The following PRDM16 variants were observed in gnomAD, a reference collection of about 807,000 sequenced individuals.
The protein encoded by PRDM16 is PR/SET domain 16.
Under a neutral mutation model 110.6 loss-of-function variants are expected in PRDM16, and 23 were observed. The ratio of observed to expected loss-of-function variants is 0.21; its 90% confidence interval spans 0.15 to 0.29. PRDM16 has a LOEUF of 0.29. PRDM16 is among the 10% of genes least tolerant of loss of function. PRDM16 has a pLI of 1.00. For synonymous variants in PRDM16, 799 were observed against 781.8 expected (o/e 1.02, Z -0.37); for missense variants, 1,615 against 1,794.3 (o/e 0.90, Z 1.81).
rs187409741 is a variant in PRDM16, at chr1:3,229,727, C to T, written c.388-14360C>T. Among the ~76,000 whole-genome samples, 873 of 152,208 alleles carry T rather than the reference C, an allele frequency of 5.7e-3. 16 individuals carry two copies. Among genetic ancestry groups the T allele is most frequent in the Non-Finnish European group, 6.0e-3 (410 of 68,022 alleles). Reference sequence around the variant, plus strand: ...ACCTTAAGGGTCTCTTTCTTCTTATCTTAGGGCTAAAAAAAAGAAGGGAGG... The same window carrying T: ...ACCTTAAGGGTCTCTTTCTTCTTATTTTAGGGCTAAAAAAAAGAAGGGAGG... On this transcript the variant is annotated intron_variant, in intron 2 of 16. Transcript: ENST00000270722.
In PRDM16 at chr1:3,069,359, CG is replaced by C; in HGVS notation, c.37+66del. 1.2e-6 allele frequency: 1 copy of C among 850,254 alleles called. No homozygotes were observed. The highest frequency in any genetic ancestry group is 1.4e-6 in the Non-Finnish European group (1 of 703,438). The allele number at this position is 850,254 out of a possible 1,614,324, so 52.7% of individuals were successfully genotyped here. ...GCCCGGGCCGCCGGGCCGGGGCGCC[CG>C]GGCCAGGGGTGCGCGTCGGGGCGCG... On this transcript the variant is annotated intron_variant, in intron 1 of 16. Transcript: ENST00000270722. This position sits in a 1 kb window ranked among gnomAD's most constrained non-coding sequence, Gnocchi z 6.1.
rs559957708 is a variant in PRDM16 at position 3,318,230 on chromosome 1, TAAG to T, written c.439-66918_439-66916del. Among the ~76,000 whole-genome samples, 19 of 152,342 alleles carry T rather than the reference TAAG, an allele frequency of 1.2e-4. No individual in the cohort carries two copies. In the East Asian group the frequency reaches 2.7e-3, roughly 22 times the overall value. ...CGTATAGGACTTTTAATAACTGTAT[TAAG>T]AAGGTCTTCCGAGCTCCTTTCTGCT... On this transcript the variant is annotated intron_variant, in intron 3 of 16. Coordinates refer to ENST00000270722, the MANE Select transcript of PRDM16 (RefSeq NM_022114.4).
At chr1:3,216,291 G>A (rs556683004) in intron 2 of PRDM16, among the ~76,000 whole-genome samples, 96 of 152,152 alleles carry the variant, frequency 6.3e-4, no homozygotes, top group Middle Eastern at 3.4e-3. Context: ...CGTCCAACCC[G>A]CAGAAAGTAC....
chr1:3,146,269 G>T (rs922112264), intron 1 of PRDM16, among the ~76,000 whole-genome samples: 1 of 151,760 alleles, frequency 6.6e-6, no homozygotes. Flanking sequence ...CATCTGGGGT[G>T]GGGGGGGCCT....
chr1:3,215,005 C>T (rs1422876865), intron 2 of PRDM16, among the ~76,000 whole-genome samples: 2 of 152,142 alleles, frequency 1.3e-5, no homozygotes, highest in Non-Finnish European at 2.9e-5. Flanking sequence ...CAGTGGGGAC[C>T]TGTGTGTGGG....
chr1:3,116,697 G>C (rs1292390329), intron 1 of PRDM16, among the ~76,000 whole-genome samples: 1 of 152,186 alleles, frequency 6.6e-6, no homozygotes, highest in Non-Finnish European at 1.5e-5. Flanking sequence ...ACGATGGTCA[G>C]GCTGACCTCA....
At chr1:3,230,896 A>AG (rs1301700786) in intron 2 of PRDM16, among the ~76,000 whole-genome samples, 1 of 152,112 alleles carries the variant, frequency 6.6e-6, no homozygotes, top group Non-Finnish European at 1.5e-5. Flanking sequence ...TGTTGGGAGC[A>AG]GGTGTGAGCA....
intron 3 of PRDM16, among the ~76,000 whole-genome samples, chr1:3,377,634 C>T (rs1643016831): frequency 6.6e-6 from 1 of 152,096 alleles, no homozygotes; most frequent in South Asian, 2.1e-4. Flanking sequence ...CTGAGGCTCA[C>T]CCCCAAACAA....
At chr1:3,371,111 C>G (rs1642897797) in intron 3 of PRDM16, among the ~76,000 whole-genome samples, 1 of 150,906 alleles carries the variant, frequency 6.6e-6, no homozygotes, top group African/African-American at 2.4e-5. Flanking sequence ...ACTCAGTAAT[C>G]CACCCATTCA....
At chr1:3,164,785 G>A (rs949787749) in intron 1 of PRDM16, among the ~76,000 whole-genome samples, 3 of 152,174 alleles carry the variant, frequency 2.0e-5, no homozygotes, top group Admixed American at 1.3e-4. Flanking sequence ...TGTTTGCGGG[G>A]GGAGGCTGTT....
In PRDM16 at chr1:3,181,680, A is replaced by G. The variant is rs373583114; in HGVS notation, c.38-4445A>G. On this transcript the variant is annotated intron_variant, in intron 1 of 16. Transcript: ENST00000270722. ...CGGTCTTACACAGTCTTACACGCGC[A>G]GTCTTACACACGGTCTTACACACGG... Among the ~76,000 whole-genome samples, 36 of 134,770 alleles carry G rather than the reference A, an allele frequency of 2.7e-4. 1 individual carries two copies. Among genetic ancestry groups the G allele is most frequent in the African/African-American group, 5.3e-4 (18 of 34,016 alleles). 88.4% of individuals were successfully genotyped at this position (134,770 alleles called of 152,430 possible).
intron 1 of PRDM16, among the ~76,000 whole-genome samples, chr1:3,176,201 A>C (rs1644086196): frequency 6.6e-6 from 1 of 152,132 alleles, no homozygotes; most frequent in Non-Finnish European, 1.5e-5. Context: ...CCATTTACCC[A>C]TCTATCCCCT....
Position 3,081,462 on chromosome 1 carries a change from C to G in PRDM16, c.37+12166C>G, listed in dbSNP as rs1047511334. ...CCCCTCCTTGTCCCACCAGACCGAG[C>G]TGTGGCCGTGTGAGGAGCAGGGCTG... On this transcript the variant is annotated intron_variant, in intron 1 of 16. Coordinates refer to ENST00000270722, the MANE Select transcript of PRDM16 (RefSeq NM_022114.4). The surrounding 1 kb of genome is among the most constrained non-coding windows in gnomAD (Gnocchi z 4.6). Among the ~76,000 whole-genome samples, 2 of 152,206 alleles carry G rather than the reference C, an allele frequency of 1.3e-5. No homozygotes were observed. Among genetic ancestry groups the G allele is most frequent in the Non-Finnish European group, 2.9e-5 (2 of 68,038 alleles).
chr1:3,103,689 G>C (rs1478304349), intron 1 of PRDM16, among the ~76,000 whole-genome samples: 3 of 152,138 alleles, frequency 2.0e-5, no homozygotes, highest in African/African-American at 7.2e-5. Flanking sequence ...TGGCATGCAC[G>C]CACCATTCTG....
rs937737699 is a variant in PRDM16, at chr1:3,339,178, C to T, written c.439-45974C>T. Among the ~76,000 whole-genome samples the T allele has an allele frequency of 5.3e-5, 8 of 152,302 alleles. No homozygotes were observed. The highest frequency in any genetic ancestry group is 1.9e-4 in the African/African-American group (8 of 41,560). On this transcript the variant is annotated intron_variant, in intron 3 of 16. Transcript: ENST00000270722. This position sits in a 1 kb window ranked among gnomAD's most constrained non-coding sequence, Gnocchi z 5.0. ...CTCTCTCCTTCTGGAGGGCAGCTTC[C>T]TGGCCACCCTCACCTCCAGCTGCTG...
intron 3 of PRDM16, among the ~76,000 whole-genome samples, chr1:3,249,490 C>T (rs533175290): frequency 1.3e-5 from 2 of 152,086 alleles, no homozygotes; most frequent in South Asian, 2.1e-4. Context: ...ACACAGATCC[C>T]GCCGGAGTGC....
intron 2 of PRDM16, among the ~76,000 whole-genome samples, chr1:3,211,257 C>T (rs1638876145): frequency 6.6e-6 from 1 of 152,210 alleles, no homozygotes; most frequent in African/African-American, 2.4e-5. Context: ...CCCTTCTTCC[C>T]TAAGCTGTCT....
chr1:3,291,181 G>A (rs1422201945), intron 3 of PRDM16, among the ~76,000 whole-genome samples: 2 of 152,188 alleles, frequency 1.3e-5, no homozygotes, highest in Middle Eastern at 3.4e-3. Flanking sequence ...CAGCCCACAC[G>A]GCCTCTCTCG....
intron 1 of PRDM16, among the ~76,000 whole-genome samples, chr1:3,173,898 G>C (rs1644056878): frequency 6.6e-6 from 1 of 152,230 alleles, no homozygotes; most frequent in African/African-American, 2.4e-5. Flanking sequence ...CCAGGAGCAC[G>C]TTACAGCCAG....
Sources: allele counts gnomAD v4.1 joint callset (sites outside exome capture counted in the v4.1 genomes callset), GRCh38; gene constraint gnomAD v4.1.1; non-coding constraint Gnocchi (gnomAD v3.1); transcripts MANE v1.5; gene names NCBI Gene and HGNC (gene_info 2026-07-23, HGNC 2026-07-21).